The following ERBIN variants were observed in gnomAD, a reference collection of about 807,000 sequenced individuals.
The protein encoded by ERBIN is densin-180-like protein.
Under a neutral mutation model 158.4 loss-of-function variants are expected in ERBIN, and 60 were observed. That is an observed-to-expected ratio of 0.38 (90% CI 0.31 to 0.47). The LOEUF is 0.47. Ranked by LOEUF, ERBIN falls within the 20% of genes least tolerant of loss-of-function variation. The pLI is 0.99. For synonymous variants in ERBIN, 594 were observed against 557.2 expected (o/e 1.07, Z -0.93); for missense variants, 1,610 against 1,648.0 (o/e 0.98, Z 0.40).
intron 4 of ERBIN, among the ~76,000 whole-genome samples, chr5:66,000,703 C>G (rs1752933516): frequency 6.6e-6 from 1 of 152,130 alleles, no homozygotes; most frequent in African/African-American, 2.4e-5. Flanking sequence ...TATTCTTTAA[C>G]TTGCAGAATT....
intron 18 of ERBIN, among the ~76,000 whole-genome samples, chr5:66,048,358 A>T (rs1758663104): frequency 6.6e-6 from 1 of 151,898 alleles, no homozygotes; most frequent in Admixed American, 6.6e-5. Context: ...AGAGCTATAT[A>T]TGGTTGAAAG....
intron 1 of ERBIN, among the ~76,000 whole-genome samples, chr5:65,964,303 A>G (rs1480052019): frequency 6.6e-6 from 1 of 152,198 alleles, no homozygotes; most frequent in Non-Finnish European, 1.5e-5. Context: ...TCTGTTACAC[A>G]TTGATTTGGT....
At chr5:66,007,181 C>T (rs1753692694) in intron 4 of ERBIN, among the ~76,000 whole-genome samples, 1 of 151,018 alleles carries the variant, frequency 6.6e-6, no homozygotes, top group Non-Finnish European at 1.5e-5. Context: ...AAATGTGGCA[C>T]ATATACACCA....
rs199585622 is a variant in ERBIN at position 65,988,465 on chromosome 5, CT to C, written c.-57-169del. The stretch of plus-strand genomic sequence containing the variant: ...CACTTGTGTGTACGTTTTTAAGAGG[CT>C]AATATTTTGGTTTGACTATTTGGTC... On this transcript the variant is annotated intron_variant, in intron 1 of 25. Coordinates refer to ENST00000284037, the MANE Select transcript of ERBIN (RefSeq NM_001253697.2). 6.2e-3 allele frequency among the ~76,000 whole-genome samples: 946 copies of C among 151,412 alleles called. 12 individuals are homozygous for C. Among genetic ancestry groups the C allele is most frequent in the African/African-American group, 0.022 (906 of 41,252 alleles).
intron 1 of ERBIN, among the ~76,000 whole-genome samples, chr5:65,936,383 A>G (rs1351710824): frequency 6.6e-6 from 1 of 152,158 alleles, no homozygotes; most frequent in African/African-American, 2.4e-5. Context: ...GGCAGCATCA[A>G]ATGGATCCTT....
At chr5:65,998,572 A>G (rs1025175005) in intron 4 of ERBIN, among the ~76,000 whole-genome samples, 2 of 152,036 alleles carry the variant, frequency 1.3e-5, no homozygotes, top group Non-Finnish European at 2.9e-5. Flanking sequence ...GGATTCATGC[A>G]TAGTGATGTC....
chr5:66,007,102 T>C (rs1753685130), intron 4 of ERBIN, among the ~76,000 whole-genome samples: 1 of 152,008 alleles, frequency 6.6e-6, no homozygotes, highest in Non-Finnish European at 1.5e-5. Context: ...ATGTTTATTG[T>C]GGCACTCTTC....
At position 66,079,093 on chromosome 5, in the gene ERBIN, T is replaced by C. The variant is rs1646581519; in HGVS notation, c.*563T>C. ...TTCCAAGGCCAGACTAAAACAGTTA[T>C]TTTCTATAAAAATCTGGAAGCAAAG... On this transcript the variant is annotated 3_prime_UTR_variant, in exon 26 of 26. Transcript: ENST00000284037. 1 of 152,722 alleles carries C rather than the reference T, an allele frequency of 6.5e-6. No individual in the cohort carries two copies. The highest frequency in any genetic ancestry group is 2.4e-5 in the African/African-American group (1 of 41,436). The allele number at this position is 152,722 out of a possible 1,614,324, so 9.5% of individuals were successfully genotyped here.
chr5:65,984,083 T>C (rs1264098214), intron 1 of ERBIN, among the ~76,000 whole-genome samples: 1 of 150,152 alleles, frequency 6.7e-6, no homozygotes. Context: ...TGGGAAATAG[T>C]GGACCAGATC....
At chr5:65,928,528 GTTAT>G (rs1742960771) in intron 1 of ERBIN, among the ~76,000 whole-genome samples, 1 of 152,090 alleles carries the variant, frequency 6.6e-6, no homozygotes, top group Non-Finnish European at 1.5e-5. Context: ...TATGAAGATG[GTTAT>G]TTATTAGTAA....
chr5:66,079,556 G>A lies in ERBIN; in HGVS notation c.*1026G>A, dbSNP rs903609406. ...GGAAAGCCTCTTTGATTTTTGTTTG[G>A]CCTTGCATTGCCTTGGTAAAGTAAA... On this transcript the variant is annotated 3_prime_UTR_variant, in exon 26 of 26. Transcript: ENST00000284037. 6.6e-6 allele frequency: 1 copy of A among 152,518 alleles called. No individual in the cohort carries two copies. The highest frequency in any genetic ancestry group is 6.6e-5 in the Admixed American group (1 of 15,254). The allele number at this position is 152,518 out of a possible 1,614,324, so 9.4% of individuals were successfully genotyped here.
chr5:65,955,490 C>A (rs763247951), intron 1 of ERBIN, among the ~76,000 whole-genome samples: 1 of 152,054 alleles, frequency 6.6e-6, no homozygotes, highest in Non-Finnish European at 1.5e-5. Context: ...ATTAGCTGGG[C>A]ATGGTGGCGG....
At chr5:65,932,237 G>T (rs961069171) in intron 1 of ERBIN, among the ~76,000 whole-genome samples, 1 of 151,744 alleles carries the variant, frequency 6.6e-6, no homozygotes, top group African/African-American at 2.4e-5. Context: ...TACTCAGGAG[G>T]CTGAGGCAGG....
At chr5:66,047,555 A>G (rs1037316218) in intron 18 of ERBIN, among the ~76,000 whole-genome samples, 12 of 152,024 alleles carry the variant, frequency 7.9e-5, no homozygotes, top group Non-Finnish European at 1.2e-4. Flanking sequence ...ACTTTTTAAT[A>G]TGAATATCTG....
At chr5:66,075,688 ATAT>A (rs1056630399) in intron 23 of ERBIN, among the ~76,000 whole-genome samples, 2 of 152,192 alleles carry the variant, frequency 1.3e-5, no homozygotes, top group Non-Finnish European at 2.9e-5. Flanking sequence ...TAAAATGATA[ATAT>A]TAGAAAGGTA....
In ERBIN at chr5:66,080,537, CTTAG is replaced by C. The variant is rs1026809740; in HGVS notation, c.*2010_*2013del. On this transcript the variant is annotated 3_prime_UTR_variant, in exon 26 of 26. Coordinates refer to ENST00000284037, the MANE Select transcript of ERBIN (RefSeq NM_001253697.2). ...GACAAGTCTCGGTGTTCCCTTTATTCTTAGTTTGTTTTTAAATATTAATTTTGGC... is the reference window on the plus strand; with the variant it reads ...GACAAGTCTCGGTGTTCCCTTTATTCTTTGTTTTTAAATATTAATTTTGGC... 6.7e-6 allele frequency: 1 copy of C among 149,530 alleles called. No homozygotes were observed. Among genetic ancestry groups the C allele is most frequent in the Non-Finnish European group, 1.5e-5 (1 of 67,384 alleles). 9.3% of individuals were successfully genotyped at this position (149,530 alleles called of 1,614,324 possible). A position where few individuals can be genotyped will look rare whatever the true frequency, so the allele number is the denominator to read the frequency against.
rs1317620610 is a variant in ERBIN, at chr5:65,935,790, T to A, written c.-58+8984T>A. Among the ~76,000 whole-genome samples, 3 of 152,198 alleles carry A rather than the reference T, an allele frequency of 2.0e-5. No individual in the cohort carries two copies. In the East Asian group the frequency reaches 5.8e-4, roughly 29 times the overall value. On this transcript the variant is annotated intron_variant, in intron 1 of 25. Transcript: ENST00000284037. ...CCCAGGCTGTAGTGCAGTGGCATGA[T>A]CACTGCTCACTGCAGCTTTGAACTC...
chr5:66,035,762 CT>C (rs982364585), intron 14 of ERBIN, among the ~76,000 whole-genome samples: 2 of 152,124 alleles, frequency 1.3e-5, no homozygotes, highest in African/African-American at 4.8e-5. Flanking sequence ...AAAATTTCAT[CT>C]TTTTTGCCAT....
chr5:66,078,384 T>A, intron 25 of ERBIN, 39 bp from the exon 26 acceptor site: 2 of 1,250,766 alleles, frequency 1.6e-6, no homozygotes, highest in Middle Eastern at 1.9e-4. Context: ...AATAAATAAC[T>A]ATAAAATGTT....
Sources: gnomAD v4.1 joint callset for allele counts (sites outside exome capture counted in the v4.1 genomes callset) on GRCh38, gnomAD v4.1.1 for gene constraint, MANE v1.5 for transcripts, NCBI Gene and HGNC (gene_info 2026-07-23, HGNC 2026-07-21) for gene names.